Variants in ADGRG5 observed in about 807,000 individuals in gnomAD.
ADGRG5 encodes the protein G protein-coupled receptor 114.
ADGRG5 carries 37 observed loss-of-function variants against 53.2 expected under a neutral mutation model. The ratio of observed to expected loss-of-function variants is 0.70; its 90% confidence interval spans 0.53 to 0.91. The LOEUF is 0.91. Ranked by LOEUF, ADGRG5 falls within the 40% of genes least tolerant of loss-of-function variation. The pLI, the probability that ADGRG5 is intolerant of heterozygous loss-of-function variation, is 0.00. For synonymous variants in ADGRG5, 277 were observed against 290.4 expected, an observed-to-expected ratio of 0.95 and a Z score of 0.47; for missense variants, 614 against 675.8, an observed-to-expected ratio of 0.91 and a Z score of 1.01.
intron 1 of ADGRG5, among the ~76,000 whole-genome samples, chr16:57,548,176 C>CTTT (rs57571395): frequency 0.023 from 3,220 of 141,686 alleles, 58 homozygotes; most frequent in African/African-American, 0.045. Flanking sequence ...CTATACACAT[C>CTTT]TTTTTTTTTT....
chr16:57,567,427 C>T (rs537588056), intron 7 of ADGRG5, 43 bp from the exon 8 acceptor site: 28 of 1,596,222 alleles, frequency 1.8e-5, no homozygotes, highest in Middle Eastern at 3.5e-4. Context: ...GGAGGAAGGG[C>T]GATACTATGC....
chr16:57,537,797 T>A (rs1052938046), upstream of ADGRG5, among the ~76,000 whole-genome samples: 1 of 152,218 alleles, frequency 6.6e-6, no homozygotes. Flanking sequence ...ACTTGTCGAT[T>A]CATTTGCTTT....
intron 1 of ADGRG5, 50 bp from the exon 2 acceptor site, chr16:57,562,006 G>A: frequency 9.5e-7 from 1 of 1,047,720 alleles, no homozygotes; most frequent in East Asian, 2.5e-5. Flanking sequence ...ACACCTAGAA[G>A]TTAGAGGTTG....
the ADGRG5 span, among the ~76,000 whole-genome samples, chr16:57,529,578 C>A: frequency 6.6e-6 from 1 of 152,182 alleles, no homozygotes; most frequent in Admixed American, 6.5e-5. The surrounding 1 kb of genome is among the most constrained non-coding windows in gnomAD (Gnocchi z 4.1). Flanking sequence ...TTCTCCCGGT[C>A]CCGGCTCACA....
At chr16:57,544,486 G>T (rs1342562212) in intron 1 of ADGRG5, among the ~76,000 whole-genome samples, 1 of 152,124 alleles carries the variant, frequency 6.6e-6, no homozygotes, top group Non-Finnish European at 1.5e-5. Context: ...CCTGGGGGAG[G>T]TATCACTTCT....
Position 57,576,017 on chromosome 16 carries a change from C to A in ADGRG5, c.*479C>A, listed in dbSNP as rs1448407113. 1.3e-5 allele frequency: 2 copies of A among 156,392 alleles called. No homozygotes were observed. Among genetic ancestry groups the A allele is most frequent in the African/African-American group, 4.8e-5 (2 of 41,470 alleles). The allele number at this position is 156,392 out of a possible 1,614,324, so 9.7% of individuals were successfully genotyped here. On this transcript the variant is annotated 3_prime_UTR_variant, in exon 12 of 12. Transcript: ENST00000349457. ...GAGTGTCAGCGTGGGGTGGGAATTCCCGCGGCCTCCACCTGCTTGCTAGGG... is the reference window on the plus strand; with the variant it reads ...GAGTGTCAGCGTGGGGTGGGAATTCACGCGGCCTCCACCTGCTTGCTAGGG...
chr16:57,535,169 C>G, the ADGRG5 span, among the ~76,000 whole-genome samples: 1 of 152,232 alleles, frequency 6.6e-6, no homozygotes, highest in African/African-American at 2.4e-5. Context: ...CAAGGCTGGT[C>G]AGCCCACAGA....
intron 1 of ADGRG5, among the ~76,000 whole-genome samples, chr16:57,560,231 A>G (rs1310429592): frequency 3.3e-5 from 5 of 152,166 alleles, no homozygotes; most frequent in Non-Finnish European, 7.3e-5. Context: ...TACCTCTCCC[A>G]TGGTAGGATA....
intron 1 of ADGRG5, among the ~76,000 whole-genome samples, chr16:57,548,586 G>A (rs1227334057): frequency 2.6e-5 from 4 of 152,052 alleles, no homozygotes; most frequent in Non-Finnish European, 4.4e-5. Context: ...TCCCTTGTGC[G>A]AGACCTTTAA....
At chr16:57,532,104 G>T in the ADGRG5 span, among the ~76,000 whole-genome samples, 1 of 152,174 alleles carries the variant, frequency 6.6e-6, no homozygotes, top group East Asian at 1.9e-4. Context: ...CCCATGTGTA[G>T]AAGGGGGGAT....
chr16:57,567,812 G>T (rs2033179035), intron 8 of ADGRG5, 44 bp from the exon 9 acceptor site: 1 of 1,581,388 alleles, frequency 6.3e-7, no homozygotes, highest in East Asian at 2.3e-5. Context: ...AGTGCTGCCT[G>T]GGTGATGTCC....
intron 1 of ADGRG5, among the ~76,000 whole-genome samples, chr16:57,547,163 A>G (rs2032638146): frequency 6.6e-6 from 1 of 152,196 alleles, no homozygotes; most frequent in South Asian, 2.1e-4. Flanking sequence ...AAATCCTATT[A>G]AAATATTTGT....
chr16:57,554,416 G>A (rs2032827055), intron 1 of ADGRG5, among the ~76,000 whole-genome samples: 3 of 144,378 alleles, frequency 2.1e-5, no homozygotes, highest in South Asian at 2.2e-4. Context: ...TTGCTCTGTT[G>A]CCCAGGTTGG....
At chr16:57,536,132 C>T in the ADGRG5 span, among the ~76,000 whole-genome samples, 1 of 152,154 alleles carries the variant, frequency 6.6e-6, no homozygotes, top group African/African-American at 2.4e-5. Context: ...TGGCCAGCGC[C>T]GCCCGTCCAT....
rs1462369816 is a variant in ADGRG5, at chr16:57,575,554, C to T, written c.*16C>T. The T allele has an allele frequency of 1.2e-6, 2 of 1,600,218 alleles. No individual in the cohort carries two copies. The highest frequency in any genetic ancestry group is 1.7e-6 in the Non-Finnish European group (2 of 1,167,624). ...AACACAGTAGTCCGGGCCTCCTGGC[C>T]TGGAATCCTCAGCCTCTCTGGCCGC... On this transcript the variant is annotated 3_prime_UTR_variant, in exon 12 of 12. Coordinates refer to ENST00000349457, the MANE Select transcript of ADGRG5 (RefSeq NM_001304376.3).
intron 5 of ADGRG5, 112 bp downstream of exon 5, chr16:57,564,091 C>A: frequency 8.3e-7 from 1 of 1,198,652 alleles, no homozygotes; most frequent in Admixed American, 2.0e-5. Context: ...GTGAGACCAA[C>A]CAGCCATCTG....
Position 57,575,589 on chromosome 16 carries a change from G to C in ADGRG5, c.*51G>C. ...CAGCCTCTCTGGCCGCCAGTAGCCTGAGGCTACGGCTCCTGCTAGAGAGGG... is the reference window on the plus strand; with the variant it reads ...CAGCCTCTCTGGCCGCCAGTAGCCTCAGGCTACGGCTCCTGCTAGAGAGGG... On this transcript the variant is annotated 3_prime_UTR_variant, in exon 12 of 12. Coordinates refer to ENST00000349457, the MANE Select transcript of ADGRG5 (RefSeq NM_001304376.3). The C allele has an allele frequency of 7.0e-7, 1 of 1,435,342 alleles. No homozygotes were observed. The highest frequency in any genetic ancestry group is 9.8e-7 in the Non-Finnish European group (1 of 1,019,692). 88.9% of individuals were successfully genotyped at this position (1,435,342 alleles called of 1,614,324 possible). A position where few individuals can be genotyped will look rare whatever the true frequency, so the allele number is the denominator to read the frequency against.
At chr16:57,557,702 T>C (rs1269419316) in intron 1 of ADGRG5, among the ~76,000 whole-genome samples, 1 of 152,250 alleles carries the variant, frequency 6.6e-6, no homozygotes, top group Non-Finnish European at 1.5e-5. Context: ...TAATTTATAT[T>C]ACACTATCAT....
rs1025691924 is a variant in ADGRG5 at position 57,576,338 on chromosome 16, G to A, written c.*800G>A. 14 of 152,174 alleles carry A rather than the reference G, an allele frequency of 9.2e-5. No homozygotes were observed. Among genetic ancestry groups the A allele is most frequent in the African/African-American group, 3.4e-4 (14 of 41,418 alleles). The allele number at this position is 152,174 out of a possible 1,614,324, so 9.4% of individuals were successfully genotyped here. On this transcript the variant is annotated 3_prime_UTR_variant, in exon 12 of 12. Transcript: ENST00000349457. ...CAGTAGCCCATCCCGCAGTTTTCTT[G>A]GGGGCAGAGGAAAACGCTTCTTTCT...
Sources: allele counts gnomAD v4.1 joint callset (sites outside exome capture counted in the v4.1 genomes callset), GRCh38; gene constraint gnomAD v4.1.1; non-coding constraint Gnocchi (gnomAD v3.1); transcripts MANE v1.5; gene names NCBI Gene and HGNC (gene_info 2026-07-23, HGNC 2026-07-21).